MDGA2: variants seen among roughly 807,000 people sequenced by gnomAD.
The protein encoded by MDGA2 is MAM domain containing glycosylphosphatidylinositol anchor 2, also known as MAM domain-containing glycosylphosphatidylinositol anchor protein 2.
A neutral mutation model predicts 117.8 loss-of-function variants in MDGA2; 40 were observed. The observed-to-expected ratio is 0.34, with a 90% confidence interval of 0.26 to 0.44. The LOEUF (loss-of-function observed/expected upper bound fraction) is 0.44, where lower values mean the gene tolerates loss of function less well. MDGA2 is among the 20% of genes least tolerant of loss of function. The pLI is 1.00. For synonymous variants in MDGA2, 452 were observed against 439.0 expected, an observed-to-expected ratio of 1.03 and a Z score of -0.37; for missense variants, 1,123 against 1,250.6, an observed-to-expected ratio of 0.90 and a Z score of 1.54.
chr14:47,480,638 A>G (rs939034019), intron 1 of MDGA2, among the ~76,000 whole-genome samples: 85 of 152,032 alleles, frequency 5.6e-4, no homozygotes, highest in African/African-American at 1.9e-3. Flanking sequence ...AAAGTGATGA[A>G]GATGCACTTC....
intron 1 of MDGA2, among the ~76,000 whole-genome samples, chr14:47,338,196 T>C (rs1307801461): frequency 6.6e-6 from 1 of 151,982 alleles, no homozygotes; most frequent in African/African-American, 2.4e-5. Context: ...TCAAACTAGA[T>C]CATGAGGATT....
intron 1 of MDGA2, among the ~76,000 whole-genome samples, chr14:47,421,196 C>G (rs1414064248): frequency 6.6e-6 from 1 of 152,122 alleles, no homozygotes; most frequent in African/African-American, 2.4e-5. Context: ...GGGGTCTCTA[C>G]TTACGTCTAC....
chr14:47,607,725 C>T (rs1896767161), intron 1 of MDGA2, among the ~76,000 whole-genome samples: 1 of 152,060 alleles, frequency 6.6e-6, no homozygotes, highest in East Asian at 1.9e-4. Flanking sequence ...GTTTTGATTG[C>T]ATCATGTAGG....
intron 1 of MDGA2, among the ~76,000 whole-genome samples, chr14:47,412,146 G>A (rs979594967): frequency 3.9e-5 from 6 of 152,026 alleles, no homozygotes; most frequent in Admixed American, 1.3e-4. Context: ...AATGTCTGTC[G>A]ATCTTCATGG....
At chr14:47,611,151 T>C (rs925639194) in intron 1 of MDGA2, among the ~76,000 whole-genome samples, 2 of 151,962 alleles carry the variant, frequency 1.3e-5, no homozygotes, top group African/African-American at 4.8e-5. Context: ...AATTGGCAAG[T>C]CACAGGTAGG....
At chr14:47,222,624 C>G (rs1361210915) in intron 2 of MDGA2, among the ~76,000 whole-genome samples, 2 of 151,948 alleles carry the variant, frequency 1.3e-5, no homozygotes, top group Admixed American at 6.6e-5. Context: ...TACAGAAAGT[C>G]ATCTATCCAC....
intron 3 of MDGA2, among the ~76,000 whole-genome samples, chr14:47,171,882 C>T (rs1884155405): frequency 6.6e-6 from 1 of 152,140 alleles, no homozygotes; most frequent in Non-Finnish European, 1.5e-5. Context: ...CAGGGAGTTC[C>T]CTTTCTTAGT....
intron 1 of MDGA2, among the ~76,000 whole-genome samples, chr14:47,350,897 A>G (rs1890863576): frequency 6.6e-6 from 1 of 152,138 alleles, no homozygotes; most frequent in African/African-American, 2.4e-5. Flanking sequence ...GTGGATTTCT[A>G]TTATGTGATC....
intron 1 of MDGA2, among the ~76,000 whole-genome samples, chr14:47,403,418 G>A (rs1304899112): frequency 6.6e-6 from 1 of 151,842 alleles, no homozygotes; most frequent in Non-Finnish European, 1.5e-5. Context: ...GATGAATGTT[G>A]GATGATCACA....
At chr14:47,129,036 AT>A (rs1256137154) in intron 5 of MDGA2, among the ~76,000 whole-genome samples, 1 of 150,606 alleles carries the variant, frequency 6.6e-6, no homozygotes, top group Non-Finnish European at 1.5e-5. Context: ...ATTTTCTCTC[AT>A]TGTTCTTGTA....
chr14:47,473,205 C>T (rs991111074), intron 1 of MDGA2, among the ~76,000 whole-genome samples: 5 of 152,108 alleles, frequency 3.3e-5, no homozygotes, highest in African/African-American at 1.2e-4. Flanking sequence ...GGCACAGACC[C>T]CACTGGCTCA....
intron 2 of MDGA2, among the ~76,000 whole-genome samples, chr14:47,282,278 T>C (rs928582948): frequency 4.6e-5 from 7 of 152,206 alleles, no homozygotes; most frequent in African/African-American, 1.7e-4. Flanking sequence ...TTGACATTAA[T>C]GCAGTCACTT....
At chr14:46,866,518 A>G (rs1881768427) in intron 14 of MDGA2, among the ~76,000 whole-genome samples, 1 of 152,222 alleles carries the variant, frequency 6.6e-6, no homozygotes. Context: ...AAGCAATGGC[A>G]ACCAAAGCCA....
chr14:47,318,224 C>T (rs1045425874), intron 1 of MDGA2, among the ~76,000 whole-genome samples: 32 of 150,244 alleles, frequency 2.1e-4, no homozygotes, highest in African/African-American at 7.5e-4. Context: ...TTTTCTAACA[C>T]TTTAAAAGTA....
At chr14:47,339,404 C>A (rs1890553838) in intron 1 of MDGA2, among the ~76,000 whole-genome samples, 1 of 151,980 alleles carries the variant, frequency 6.6e-6, no homozygotes. Flanking sequence ...CCCTCCAAAT[C>A]TCATGTAGGA....
intron 1 of MDGA2, among the ~76,000 whole-genome samples, chr14:47,575,008 T>C (rs936116418): frequency 1.3e-5 from 2 of 152,198 alleles, no homozygotes; most frequent in African/African-American, 4.8e-5. Context: ...TGTACATAGG[T>C]CTGTGTGTAT....
At chr14:47,118,953 G>C (rs1881478827) in intron 5 of MDGA2, among the ~76,000 whole-genome samples, 1 of 151,920 alleles carries the variant, frequency 6.6e-6, no homozygotes, top group Admixed American at 6.6e-5. Flanking sequence ...GCCCAGGCTG[G>C]TCTCAAACTC....
intron 5 of MDGA2, among the ~76,000 whole-genome samples, chr14:47,130,819 C>T (rs950735825): frequency 2.2e-4 from 33 of 151,982 alleles, no homozygotes; most frequent in Admixed American, 2.0e-4. Flanking sequence ...ACAAAAAAAG[C>T]CCACACTTTT....
At chr14:46,922,854 A>AT (rs1884183384) in intron 9 of MDGA2, among the ~76,000 whole-genome samples, 1 of 152,214 alleles carries the variant, frequency 6.6e-6, no homozygotes, top group Non-Finnish European at 1.5e-5. Flanking sequence ...CTGGGGCAAG[A>AT]CTGAGAGACA....
Sources: gnomAD v4.1 joint callset for allele counts (sites outside exome capture counted in the v4.1 genomes callset) on GRCh38, gnomAD v4.1.1 for gene constraint, MANE v1.5 for transcripts, NCBI Gene and HGNC (gene_info 2026-07-23, HGNC 2026-07-21) for gene names.